Variants in ATRN observed in about 807,000 individuals in gnomAD.
ATRN encodes the protein attractin.
In ATRN, 54 loss-of-function variants were observed where a neutral mutation model predicts 178.7. That is an observed-to-expected ratio of 0.30 (90% confidence interval 0.24 to 0.38). The LOEUF is 0.38. Ranked by LOEUF, ATRN falls within the 10% of genes least tolerant of loss-of-function variation. The pLI is 1.00. For synonymous variants in ATRN, 636 were observed against 663.0 expected (o/e 0.96, Z 0.63); for missense variants, 1,443 against 1,815.1 (o/e 0.79, Z 3.73).
chr20:3,523,028 T>G (rs1204112763), intron 1 of ATRN, among the ~76,000 whole-genome samples: 1 of 152,146 alleles, frequency 6.6e-6, no homozygotes, highest in East Asian at 1.9e-4. Context: ...TCACAACTCC[T>G]CGCCAGCAAG....
chr20:3,535,588 TACAC>T (rs11468707), intron 2 of ATRN, among the ~76,000 whole-genome samples: 7,549 of 142,808 alleles, frequency 0.053, 244 homozygotes, highest in Admixed American at 0.082. Flanking sequence ...CAGAAACGGT[TACAC>T]ACACACACAC....
chr20:3,586,755 G>A (rs552192013), intron 18 of ATRN, among the ~76,000 whole-genome samples: 10 of 152,266 alleles, frequency 6.6e-5, no homozygotes, highest in Non-Finnish European at 1.3e-4. Flanking sequence ...AATGTCCAAA[G>A]GCAGAAAGTA....
intron 1 of ATRN, among the ~76,000 whole-genome samples, chr20:3,481,046 C>T (rs2084613252): frequency 6.6e-6 from 1 of 152,144 alleles, no homozygotes. Flanking sequence ...TCTGTGAATT[C>T]CCAAATGCAT....
chr20:3,558,275 T>C (rs2085904986), intron 6 of ATRN, among the ~76,000 whole-genome samples: 1 of 152,204 alleles, frequency 6.6e-6, no homozygotes, highest in Non-Finnish European at 1.5e-5. Flanking sequence ...TTGAGATTTA[T>C]GTTGACATAT....
At chr20:3,501,705 G>A (rs950706187) in intron 1 of ATRN, among the ~76,000 whole-genome samples, 9 of 152,206 alleles carry the variant, frequency 5.9e-5, no homozygotes, top group Admixed American at 2.0e-4. Flanking sequence ...TCAGGGGCGA[G>A]GGCCAACTTT....
rs2086998575 is a variant in ATRN at position 3,632,822 on chromosome 20, C to A, written c.3864-1489C>A. Among the ~76,000 whole-genome samples, 1 of 152,184 alleles carries A rather than the reference C, an allele frequency of 6.6e-6. No individual in the cohort carries two copies. The highest frequency in any genetic ancestry group is 1.5e-5 in the Non-Finnish European group (1 of 68,036). ...ATCAGTGTTTTCCATGAGCCTAGAACAGGACCTGACCCAATTAAAGTATTG... is the reference window on the plus strand; with the variant it reads ...ATCAGTGTTTTCCATGAGCCTAGAAAAGGACCTGACCCAATTAAAGTATTG... On this transcript the variant is annotated intron_variant, in intron 25 of 28. Coordinates refer to ENST00000262919, the MANE Select transcript of ATRN (RefSeq NM_139321.3). The surrounding 1 kb of genome is among the most constrained non-coding windows in gnomAD (Gnocchi z 4.2).
intron 3 of ATRN, among the ~76,000 whole-genome samples, chr20:3,541,500 T>C (rs2085621874): frequency 6.6e-6 from 1 of 152,212 alleles, no homozygotes; most frequent in Admixed American, 6.5e-5. Context: ...ATAGATGGTA[T>C]AGCCTACTGT....
chr20:3,507,194 C>T (rs1167126056), intron 1 of ATRN, among the ~76,000 whole-genome samples: 1 of 151,586 alleles, frequency 6.6e-6, no homozygotes, highest in Non-Finnish European at 1.5e-5. Context: ...ATCATGAGGT[C>T]AGGAGTTCAA....
intron 1 of ATRN, among the ~76,000 whole-genome samples, chr20:3,515,550 T>C (rs1457281332): frequency 6.6e-6 from 1 of 152,142 alleles, no homozygotes; most frequent in Non-Finnish European, 1.5e-5. Context: ...TTATGTACCT[T>C]AATAAAGGGA....
In ATRN at chr20:3,545,678, G is replaced by A. The variant is rs369280815; in HGVS notation, c.609-84G>A. 2.7e-4 allele frequency: 407 copies of A among 1,532,082 alleles called. No individual in the cohort carries two copies. In the African/African-American group the frequency reaches 3.4e-3, roughly 13 times the overall value. 94.9% of individuals were successfully genotyped at this position (1,532,082 alleles called of 1,614,324 possible). A position where few individuals can be genotyped will look rare whatever the true frequency, so the allele number is the denominator to read the frequency against. On this transcript the variant is annotated intron_variant, in intron 3 of 28. Transcript: ENST00000262919. ...GATGTGGTTTTTAAATTTTAAGGACGGATTTGTTTTTAATTTCTGTCTGCT... is the reference window on the plus strand; with the variant it reads ...GATGTGGTTTTTAAATTTTAAGGACAGATTTGTTTTTAATTTCTGTCTGCT...
At chr20:3,483,416 C>T (rs749189625) in intron 1 of ATRN, among the ~76,000 whole-genome samples, 5 of 152,092 alleles carry the variant, frequency 3.3e-5, no homozygotes, top group Non-Finnish European at 7.4e-5. Context: ...ATGTAATCAC[C>T]GCTCACTGCA....
chr20:3,534,628 A>G (rs1219106726), intron 1 of ATRN, among the ~76,000 whole-genome samples: 2 of 152,220 alleles, frequency 1.3e-5, no homozygotes, highest in Admixed American at 6.5e-5. Context: ...GGAAACAGCC[A>G]TGATGAAGGA....
intron 1 of ATRN, among the ~76,000 whole-genome samples, chr20:3,486,503 G>A (rs775861070): frequency 3.3e-5 from 5 of 152,020 alleles, no homozygotes; most frequent in Non-Finnish European, 7.4e-5. Context: ...TGTTTCCCGA[G>A]TTCAAGCGAT....
chr20:3,544,547 T>C (rs1192730661), intron 3 of ATRN, among the ~76,000 whole-genome samples: 1 of 151,988 alleles, frequency 6.6e-6, no homozygotes, highest in African/African-American at 2.4e-5. Flanking sequence ...GCAAAAATCA[T>C]GGACATATGA....
chr20:3,523,431 C>A (rs111773686), intron 1 of ATRN, among the ~76,000 whole-genome samples: 357 of 152,202 alleles, frequency 2.3e-3, no homozygotes, highest in African/African-American at 8.2e-3. Context: ...AAGACCAAAC[C>A]TGCGTTTGAT....
chr20:3,582,318 A>G lies in ATRN; in HGVS notation c.2728A>G (p.Ile910Val), dbSNP rs2086292950. Reference sequence around the variant, plus strand: ...TCGGGGACTGAAGGCTGCAACCTGCATCAACCCACTCAATGGTAGTGTCTG... The same window carrying G: ...TCGGGGACTGAAGGCTGCAACCTGCGTCAACCCACTCAATGGTAGTGTCTG... ...STRGLKAATC[I>V]NPLNGSVCER... The change falls in exon 16 of 29, where the codon ATC becomes GTC. Residue 910 changes from isoleucine to valine, a missense_variant. By Grantham distance (29) the Ile-to-Val change is conservative. This residue lies in a region of ATRN where 212 missense variants were observed against 330.7 expected (regional missense o/e 0.64). Coordinates refer to ENST00000262919, the MANE Select transcript of ATRN (RefSeq NM_139321.3). 6.2e-7 allele frequency: 1 copy of G among 1,612,378 alleles called. No individual in the cohort carries two copies. Among genetic ancestry groups the G allele is most frequent in the Non-Finnish European group, 8.5e-7 (1 of 1,180,014 alleles).
intron 26 of ATRN, among the ~76,000 whole-genome samples, chr20:3,637,868 T>C (rs947094933): frequency 1.3e-5 from 2 of 152,168 alleles, no homozygotes; most frequent in African/African-American, 2.4e-5. Context: ...GTCCCTCTAC[T>C]CTGCAAAATT....
At chr20:3,496,097 A>G (rs1187924466) in intron 1 of ATRN, among the ~76,000 whole-genome samples, 1 of 152,122 alleles carries the variant, frequency 6.6e-6, no homozygotes, top group East Asian at 1.9e-4. Flanking sequence ...CCTTTCAAAA[A>G]ACCAGCTCCT....
intron 1 of ATRN, among the ~76,000 whole-genome samples, chr20:3,483,194 A>T (rs145814181): frequency 6.6e-6 from 1 of 152,168 alleles, no homozygotes; most frequent in African/African-American, 2.4e-5. Context: ...TAATCTTGAG[A>T]TGAGATATGC....
Sources: gnomAD v4.1 joint callset for allele counts (sites outside exome capture counted in the v4.1 genomes callset) on GRCh38, gnomAD v4.1.1 for gene constraint, gnomAD v4.1.1 regional missense constraint, Gnocchi (gnomAD v3.1) non-coding constraint, MANE v1.5 for transcripts, NCBI Gene and HGNC (gene_info 2026-07-23, HGNC 2026-07-21) for gene names.